UGT1A8: variants seen among roughly 807,000 people sequenced by gnomAD.
The protein encoded by UGT1A8 is UDP glucuronosyltransferase family 1 member A8.
Under a neutral mutation model 45.3 loss-of-function variants are expected in UGT1A8, and 39 were observed. The ratio of observed to expected loss-of-function variants is 0.86; its 90% CI spans 0.67 to 1.12. The LOEUF (loss-of-function observed/expected upper bound fraction) is 1.12, where lower values mean the gene tolerates loss of function less well. Among genes scored for constraint, UGT1A8 ranks in the 50% most tolerant of loss-of-function variants. The probability of loss-of-function intolerance (pLI) is 0.00; values close to 1 mark genes in which losing one functional copy is unlikely to be tolerated. For synonymous variants in UGT1A8, 275 were observed against 249.2 expected (o/e 1.10, Z -0.97); for missense variants, 719 against 664.9 (o/e 1.08, Z -0.90).
chr2:233,732,755 GTT>G (rs956485327), intron 1 of UGT1A8, among the ~76,000 whole-genome samples: 5 of 120,192 alleles, frequency 4.2e-5, no homozygotes, highest in Non-Finnish European at 9.1e-5. Context: ...CACCAGCTTT[GTT>G]TTTTTTTTTT....
intron 1 of UGT1A8, chr2:233,637,413 C>G (rs1419953474): frequency 1.2e-5 from 19 of 1,566,008 alleles, no homozygotes; most frequent in Admixed American, 1.9e-5. Context: ...TAAGAATAAT[C>G]TGGCTTTGGA....
intron 1 of UGT1A8, among the ~76,000 whole-genome samples, chr2:233,712,410 G>T (rs1290226117): frequency 1.3e-5 from 2 of 152,150 alleles, no homozygotes; most frequent in Non-Finnish European, 2.9e-5. Context: ...TCCTCTTTGA[G>T]CTTTACAAGA....
intron 1 of UGT1A8, among the ~76,000 whole-genome samples, chr2:233,695,331 G>A (rs1032030630): frequency 4.8e-4 from 73 of 151,796 alleles, no homozygotes; most frequent in African/African-American, 1.7e-3. Context: ...TCACCACGTT[G>A]GCCAGGATGG....
chr2:233,760,187 A>T (rs990924145), intron 1 of UGT1A8: 2 of 1,561,228 alleles, frequency 1.3e-6, no homozygotes, highest in African/African-American at 2.7e-5. Flanking sequence ...TTTTATAGTC[A>T]CGTGACACAG....
chr2:233,636,061 A>G (rs757124670), intron 1 of UGT1A8, among the ~76,000 whole-genome samples: 1 of 151,010 alleles, frequency 6.6e-6, no homozygotes, highest in Non-Finnish European at 1.5e-5. Context: ...GTCAGTGCTA[A>G]GAGCCTTGCT....
At chr2:233,645,815 G>A (rs2073586533) in intron 1 of UGT1A8, among the ~76,000 whole-genome samples, 1 of 152,210 alleles carries the variant, frequency 6.6e-6, no homozygotes, top group South Asian at 2.1e-4. Flanking sequence ...CAGGTGCACA[G>A]TGCAAACTAT....
At chr2:233,679,147 G>T (rs148218063) in intron 1 of UGT1A8, among the ~76,000 whole-genome samples, 90 of 152,284 alleles carry the variant, frequency 5.9e-4, no homozygotes, top group African/African-American at 2.1e-3. Context: ...GACTGAATTA[G>T]AGATGTTGGG....
rs981811501 is a variant in UGT1A8 at position 233,745,071 on chromosome 2, G to T, written c.856-21963G>T. Reference sequence around the variant, plus strand: ...GTTTTTTATTTGTATTATTTGTATTGTTTTTTCATTGCTCTTCCCCCCAAA... The same window carrying T: ...GTTTTTTATTTGTATTATTTGTATTTTTTTTTCATTGCTCTTCCCCCCAAA... On this transcript the variant is annotated intron_variant, in intron 1 of 4. Transcript: ENST00000373450. Among the ~76,000 whole-genome samples the T allele has an allele frequency of 7.2e-5, 11 of 151,894 alleles. No individual in the cohort carries two copies. In the East Asian group the frequency reaches 9.6e-4, roughly 13 times the overall value.
rs1399932321 is a variant in UGT1A8, at chr2:233,747,632, C to A, written c.856-19402C>A. 22 of 1,580,286 alleles carry A rather than the reference C, an allele frequency of 1.4e-5. No homozygotes were observed. In the Admixed American group the frequency reaches 1.8e-4, roughly 13 times the overall value. On this transcript the variant is annotated intron_variant, in intron 1 of 4. Transcript: ENST00000373450. ...TGCATAATGAGGCCCTGATCAGGCA[C>A]CTGAATGCTACTTCCTTCGATGTGG...
intron 1 of UGT1A8, among the ~76,000 whole-genome samples, chr2:233,685,913 T>C (rs1035052021): frequency 6.6e-6 from 1 of 152,240 alleles, no homozygotes; most frequent in Non-Finnish European, 1.5e-5. Context: ...CAATCCATCA[T>C]TAAATTTATC....
rs368960201 is a variant in UGT1A8, at chr2:233,672,698, C to T, written c.855+54136C>T. ...CACACATCAATTTGGTTGTTGCGAACGGACTTTGTTTTGGACTATCCCAAA... is the reference window on the plus strand; with the variant it reads ...CACACATCAATTTGGTTGTTGCGAATGGACTTTGTTTTGGACTATCCCAAA... On this transcript the variant is annotated intron_variant, in intron 1 of 4. Coordinates refer to ENST00000373450, the MANE Select transcript of UGT1A8 (RefSeq NM_019076.5). 3.8e-5 allele frequency: 61 copies of T among 1,613,786 alleles called. No individual in the cohort carries two copies. Among genetic ancestry groups the T allele is most frequent in the African/African-American group, 5.3e-5 (4 of 74,888 alleles).
chr2:233,654,556 T>G (rs114807252), intron 1 of UGT1A8, among the ~76,000 whole-genome samples: 8 of 152,342 alleles, frequency 5.3e-5, no homozygotes, highest in African/African-American at 1.9e-4. Context: ...CATAATTGTT[T>G]GTAATATATA....
chr2:233,647,083 C>T (rs1350933721), intron 1 of UGT1A8, among the ~76,000 whole-genome samples: 1 of 152,128 alleles, frequency 6.6e-6, no homozygotes, highest in African/African-American at 2.4e-5. Context: ...AGAAAGAGAG[C>T]TTGTGCAGGA....
chr2:233,756,814 A>G (rs985210538), intron 1 of UGT1A8, among the ~76,000 whole-genome samples: 39 of 152,110 alleles, frequency 2.6e-4, no homozygotes, highest in Admixed American at 5.2e-4. Flanking sequence ...AGGTCACTCA[A>G]TTCCAAGGGG....
At chr2:233,622,417 G>A (rs983075038) in intron 1 of UGT1A8, among the ~76,000 whole-genome samples, 9 of 151,960 alleles carry the variant, frequency 5.9e-5, no homozygotes, top group South Asian at 2.1e-4. Flanking sequence ...TTTAATGATC[G>A]CCATTCTAAT....
At position 233,687,583 on chromosome 2, in the gene UGT1A8, TAAAAA is replaced by T. The variant is rs71398794; in HGVS notation, c.855+69041_855+69045del. ...AGAATTCAAGACCATACATTCTTTG[TAAAAA>T]AAAAAAAAAAAAAAAAAAAGGAAAG... On this transcript the variant is annotated intron_variant, in intron 1 of 4. Transcript: ENST00000373450. Among the ~76,000 whole-genome samples the T allele has an allele frequency of 8.1e-3, 870 of 107,420 alleles. 4 individuals carry two copies. Among genetic ancestry groups the T allele is most frequent in the African/African-American group, 0.023 (698 of 29,714 alleles). 70.5% of individuals were successfully genotyped at this position (107,420 alleles called of 152,430 possible). A position where few individuals can be genotyped will look rare whatever the true frequency, so the allele number is the denominator to read the frequency against.
chr2:233,653,089 G>A (rs1229009856), intron 1 of UGT1A8, among the ~76,000 whole-genome samples: 1 of 152,218 alleles, frequency 6.6e-6, no homozygotes, highest in Non-Finnish European at 1.5e-5. Flanking sequence ...CTCCTGGGAG[G>A]CAACCACAGT....
At chr2:233,725,185 C>G (rs113275054) in intron 1 of UGT1A8, among the ~76,000 whole-genome samples, 730 of 70,066 alleles carry the variant, frequency 0.01, 54 homozygotes, top group African/African-American at 0.042. Context: ...TGGGGAGAGG[C>G]AGAGGCAGAG....
At chr2:233,657,772 T>C (rs7571337) in intron 1 of UGT1A8, among the ~76,000 whole-genome samples, 81,106 of 152,058 alleles carry the variant, frequency 0.53, 22,228 homozygotes, top group African/African-American at 0.66. Flanking sequence ...AGCATCTTTA[T>C]GTGTGACTGT....
Sources: gnomAD v4.1 joint callset for allele counts (sites outside exome capture counted in the v4.1 genomes callset) on GRCh38, gnomAD v4.1.1 for gene constraint, MANE v1.5 for transcripts, NCBI Gene and HGNC (gene_info 2026-07-23, HGNC 2026-07-21) for gene names.